The following THADA variants were observed in gnomAD, a reference collection of about 807,000 sequenced individuals.
THADA encodes the protein THADA armadillo repeat containing.
In THADA, 213 loss-of-function variants were observed where a neutral mutation model predicts 219.8. The observed-to-expected ratio is 0.97, with a 90% CI of 0.87 to 1.09. The LOEUF (loss-of-function observed/expected upper bound fraction) is 1.09. Among genes scored for constraint, THADA ranks in the 50% least tolerant of loss-of-function variants. The pLI is 0.00. For missense variants in THADA, 2,956 were observed against 2,311.3 expected, an observed-to-expected ratio of 1.28 and a Z score of -5.72; for synonymous variants, 1,018 against 828.9, an observed-to-expected ratio of 1.23 and a Z score of -3.92.
chr2:43,301,914 C>T (rs998117620), intron 31 of THADA, among the ~76,000 whole-genome samples: 1 of 152,166 alleles, frequency 6.6e-6, no homozygotes, highest in Non-Finnish European at 1.5e-5. Context: ...TAGATGAACA[C>T]GTGGTACTTA....
intron 29 of THADA, among the ~76,000 whole-genome samples, chr2:43,392,408 A>C (rs1300491381): frequency 2.6e-5 from 4 of 152,050 alleles, no homozygotes; most frequent in Non-Finnish European, 2.9e-5. Flanking sequence ...TACCTCTATC[A>C]CTGATTTTCT....
intron 31 of THADA, among the ~76,000 whole-genome samples, chr2:43,301,132 C>G (rs1334720538): frequency 2.0e-5 from 3 of 152,110 alleles, no homozygotes; most frequent in Non-Finnish European, 4.4e-5. Flanking sequence ...GCTCTGCACC[C>G]CAGCTGAGAA....
intron 26 of THADA, among the ~76,000 whole-genome samples, chr2:43,454,615 AC>A (rs1682762293): frequency 6.6e-6 from 1 of 152,002 alleles, no homozygotes; most frequent in African/African-American, 2.4e-5. Context: ...ACACACACAC[AC>A]ACACACACAC....
intron 29 of THADA, among the ~76,000 whole-genome samples, chr2:43,369,276 C>T (rs1367929925): frequency 6.6e-6 from 1 of 152,178 alleles, no homozygotes; most frequent in Non-Finnish European, 1.5e-5. Context: ...TCTTCCTGCC[C>T]ACTTCTCCAC....
At chr2:43,308,871 T>A (rs892829461) in intron 31 of THADA, among the ~76,000 whole-genome samples, 2 of 151,718 alleles carry the variant, frequency 1.3e-5, no homozygotes, top group Admixed American at 1.3e-4. Flanking sequence ...CTACAAAACT[T>A]TAGAAGAAGT....
At chr2:43,576,650 T>C (rs1574335094) in intron 10 of THADA, among the ~76,000 whole-genome samples, 1 of 152,200 alleles carries the variant, frequency 6.6e-6, no homozygotes, top group Middle Eastern at 3.2e-3. Context: ...CCTGCAGCAA[T>C]AATTTTATTT....
In THADA at chr2:43,293,223, A is replaced by G; in HGVS notation, c.4439-10T>C. 2 of 1,584,850 alleles carry G rather than the reference A, an allele frequency of 1.3e-6. No individual in the cohort carries two copies. The highest frequency in any genetic ancestry group is 1.7e-6 in the Non-Finnish European group (2 of 1,165,268). Reference sequence around the variant, plus strand: ...CCAAGACTCTCCAGAACTAAGAAGCAAAAAAAGCAAAAGGGAAAGAGATAA... The same window carrying G: ...CCAAGACTCTCCAGAACTAAGAAGCGAAAAAAGCAAAAGGGAAAGAGATAA... On this transcript the variant is annotated splice_polypyrimidine_tract_variant and intron_variant, in intron 31 of 37. Coordinates refer to ENST00000405975, the MANE Select transcript of THADA (RefSeq NM_022065.5).
intron 17 of THADA, among the ~76,000 whole-genome samples, chr2:43,553,370 T>C (rs1002888535): frequency 2.6e-5 from 4 of 152,066 alleles, no homozygotes; most frequent in African/African-American, 9.7e-5. Context: ...GGAAGGTAAT[T>C]AGGTTTAGAT....
At chr2:43,270,604 G>A (rs936868261) in intron 36 of THADA, among the ~76,000 whole-genome samples, 3 of 152,170 alleles carry the variant, frequency 2.0e-5, no homozygotes, top group African/African-American at 7.2e-5. Flanking sequence ...GTCACCACAG[G>A]GGCCGGAGCT....
chr2:43,529,596 G>T (rs1377832181), intron 21 of THADA, among the ~76,000 whole-genome samples: 1 of 152,156 alleles, frequency 6.6e-6, no homozygotes, highest in African/African-American at 2.4e-5. Flanking sequence ...AGCTGATTAG[G>T]CTTTTATACC....
chr2:43,568,581 C>G (rs985446008), intron 14 of THADA, among the ~76,000 whole-genome samples: 1 of 152,184 alleles, frequency 6.6e-6, no homozygotes, highest in South Asian at 2.1e-4. Context: ...TGAAAATTCA[C>G]AATCTCAATC....
intron 15 of THADA, chr2:43,566,136 C>CA (rs35589833): frequency 3.2e-3 from 853 of 264,530 alleles, no homozygotes; most frequent in Middle Eastern, 9.4e-3. Context: ...AAAAATGAAA[C>CA]AAAAAAAAAA....
At position 43,505,749 on chromosome 2, in the gene THADA, A is replaced by T. The variant is rs372908338; in HGVS notation, c.3508-14T>A. ...TGCCAACAGTGCCTATGGAAAAAGA[A>T]TGCAAAAATTAACAGGGTTCTTAGT... On this transcript the variant is annotated splice_polypyrimidine_tract_variant and intron_variant, in intron 23 of 37. Coordinates refer to ENST00000405975, the MANE Select transcript of THADA (RefSeq NM_022065.5). The T allele has an allele frequency of 2.8e-5, 44 of 1,547,840 alleles. No individual in the cohort carries two copies. Among genetic ancestry groups the T allele is most frequent in the Middle Eastern group, 1.7e-4 (1 of 5,972 alleles).
At chr2:43,461,855 T>C (rs1683680134) in intron 26 of THADA, among the ~76,000 whole-genome samples, 2 of 152,230 alleles carry the variant, frequency 1.3e-5, no homozygotes, top group Admixed American at 6.5e-5. Flanking sequence ...AATGTAATTT[T>C]GGCAGTTTCA....
chr2:43,564,668 G>A lies in THADA; in HGVS notation c.2311+2030C>T, dbSNP rs554505669. ...TGTTTTAGAGACCATTTTTCAGCCT[G>A]CCATCCCCACGTGAATAAGGTGATC... is the stretch of plus-strand genomic sequence containing the variant. On this transcript the variant is annotated intron_variant, in intron 15 of 37. Coordinates refer to ENST00000405975, the MANE Select transcript of THADA (RefSeq NM_022065.5). 9.3e-4 allele frequency: 141 copies of A among 152,296 alleles called. 1 individual carries two copies. The highest frequency in any genetic ancestry group is 3.3e-3 in the African/African-American group (138 of 41,570). 9.4% of individuals were successfully genotyped at this position (152,296 alleles called of 1,614,324 possible).
At position 43,574,549 on chromosome 2, in the gene THADA, T is replaced by C. The variant is rs1358224775; in HGVS notation, c.1516A>G (p.Lys506Glu). 3 of 1,613,896 alleles carry C rather than the reference T, an allele frequency of 1.9e-6. No individual in the cohort carries two copies. Among genetic ancestry groups the C allele is most frequent in the East Asian group, 2.2e-5 (1 of 44,892 alleles). Reference sequence around the variant, plus strand: ...GCAGTCTGGGATTTCAAATGACTCTTATGATTTCTAAACATGGTTTCCAAG... The same window carrying C: ...GCAGTCTGGGATTTCAAATGACTCTCATGATTTCTAAACATGGTTTCCAAG... ...DLLETMFRNH[K>E]SHLKSQTAES... Residue 506 changes from lysine to glutamate, a missense_variant, in exon 11 of 38, where the codon AAG becomes GAG. Lys to Glu is a moderately conservative substitution (Grantham distance 56). Transcript: ENST00000405975.
At chr2:43,316,655 C>G (rs1459072417) in intron 31 of THADA, among the ~76,000 whole-genome samples, 1 of 152,124 alleles carries the variant, frequency 6.6e-6, no homozygotes, top group Admixed American at 6.5e-5. Context: ...AGGCTGGGCA[C>G]GGTGGCTCAC....
In THADA at chr2:43,292,088, G is replaced by T; in HGVS notation, c.4937+16C>A. 6.4e-7 allele frequency: 1 copy of T among 1,556,704 alleles called. No homozygotes were observed. The highest frequency in any genetic ancestry group is 1.2e-5 in the South Asian group (1 of 84,612). On this transcript the variant is annotated intron_variant, in intron 33 of 37. Transcript: ENST00000405975. ...TACATCTTACCAAGGTTGCACAGGA[G>T]GTTTTGGGGGCAAACCTTTCATTGG... is the stretch of plus-strand genomic sequence containing the variant.
At chr2:43,387,382 A>G (rs541591533) in intron 29 of THADA, among the ~76,000 whole-genome samples, 10 of 152,204 alleles carry the variant, frequency 6.6e-5, no homozygotes, top group Non-Finnish European at 7.3e-5. Flanking sequence ...TTATATGTTC[A>G]TAACACTTTT....
Sources: allele counts gnomAD v4.1 joint callset (sites outside exome capture counted in the v4.1 genomes callset), GRCh38; gene constraint gnomAD v4.1.1; transcripts MANE v1.5; gene names NCBI Gene and HGNC (gene_info 2026-07-23, HGNC 2026-07-21).